Variants in PALM2AKAP2 observed in about 807,000 individuals in gnomAD.
PALM2AKAP2 encodes PALM2-AKAP2 fusion protein.
PALM2AKAP2 carries 37 observed loss-of-function variants against 71.5 expected under a neutral mutation model. That is an observed-to-expected ratio of 0.52 (90% CI 0.40 to 0.68). The LOEUF is 0.68. PALM2AKAP2 is among the 30% of genes least tolerant of loss of function. The pLI is 0.00. For synonymous variants in PALM2AKAP2, 468 were observed against 478.8 expected (o/e 0.98, Z 0.29); for missense variants, 1,224 against 1,191.8 (o/e 1.03, Z -0.40).
chr9:109,969,776 A>C (rs1832029833), intron 6 of PALM2AKAP2, among the ~76,000 whole-genome samples: 1 of 152,036 alleles, frequency 6.6e-6, no homozygotes, highest in African/African-American at 2.4e-5. Context: ...TAGCACTCCC[A>C]CATCCTCACC....
intron 1 of PALM2AKAP2, among the ~76,000 whole-genome samples, chr9:110,076,636 A>C (rs966008240): frequency 1.3e-5 from 2 of 151,746 alleles, no homozygotes; most frequent in Non-Finnish European, 2.9e-5. Flanking sequence ...CTTACAGAAT[A>C]TATCCTATGT....
chr9:109,801,923 T>A (rs1020297549), intron 1 of PALM2AKAP2, among the ~76,000 whole-genome samples: 4 of 152,136 alleles, frequency 2.6e-5, no homozygotes, highest in Non-Finnish European at 4.4e-5. Context: ...AGAGGGACCA[T>A]GGGGAGGGGT....
At chr9:109,741,867 T>C (rs751345311) in intron 1 of PALM2AKAP2, among the ~76,000 whole-genome samples, 1 of 152,228 alleles carries the variant, frequency 6.6e-6, no homozygotes, top group Non-Finnish European at 1.5e-5. Context: ...CCCATTGAAT[T>C]GTCTCAGCAG....
chr9:109,994,415 G>A (rs548183547), intron 6 of PALM2AKAP2, among the ~76,000 whole-genome samples: 54 of 152,314 alleles, frequency 3.5e-4, no homozygotes, highest in African/African-American at 1.2e-3. Flanking sequence ...AGAAACCTCA[G>A]GCTTTTTTGT....
chr9:110,063,757 C>T (rs1385130707), intron 1 of PALM2AKAP2, among the ~76,000 whole-genome samples: 1 of 152,148 alleles, frequency 6.6e-6, no homozygotes, highest in Non-Finnish European at 1.5e-5. Flanking sequence ...ATTTCCTCTT[C>T]TGTAAGAACA....
At chr9:109,843,867 T>A (rs1293071336) in intron 1 of PALM2AKAP2, among the ~76,000 whole-genome samples, 1 of 152,198 alleles carries the variant, frequency 6.6e-6, no homozygotes, top group Admixed American at 6.5e-5. Flanking sequence ...GTGGCCTTCT[T>A]CTGTCAGCAC....
At chr9:109,702,645 A>G (rs899114964) in intron 1 of PALM2AKAP2, among the ~76,000 whole-genome samples, 4 of 151,996 alleles carry the variant, frequency 2.6e-5, no homozygotes, top group African/African-American at 9.7e-5. Context: ...CTAATGTTAA[A>G]TGAGGAGTTA....
chr9:110,057,785 C>T (rs753584288), intron 1 of PALM2AKAP2, among the ~76,000 whole-genome samples: 27 of 152,186 alleles, frequency 1.8e-4, no homozygotes, highest in Non-Finnish European at 1.2e-4. Context: ...CTAGAGTATC[C>T]TGAGCCCCAT....
intron 3 of PALM2AKAP2, among the ~76,000 whole-genome samples, chr9:109,913,332 C>T (rs1251508688): frequency 2.0e-5 from 3 of 152,196 alleles, no homozygotes. Context: ...TGATATAATT[C>T]AGCTGGCAAA....
rs370918671 is a variant in PALM2AKAP2, at chr9:110,168,447, C to T, written c.2797C>T (p.Arg933Cys). ...TCGAAGAAAGAGCGCACTGGCTTTG[C>T]GCTGGGAAGCAGGGATCTATGCCAA... Residue 933 changes from arginine to cysteine, a missense_variant, in exon 4 of 4, where the codon CGC (arginine) becomes TGC (cysteine). Transcript: ENST00000374525. 7.8e-5 allele frequency: 126 copies of T among 1,614,118 alleles called. No homozygotes were observed. Among genetic ancestry groups the T allele is most frequent in the Admixed American group, 7.3e-4 (44 of 59,986 alleles).
intron 1 of PALM2AKAP2, among the ~76,000 whole-genome samples, chr9:110,104,099 TCA>T (rs1304880033): frequency 6.7e-6 from 1 of 148,902 alleles, no homozygotes; most frequent in Non-Finnish European, 1.5e-5. Context: ...GGTTTGTTTG[TCA>T]CTTGGCCACA....
chr9:109,942,507 T>C (rs868844888), intron 6 of PALM2AKAP2, among the ~76,000 whole-genome samples: 13 of 152,210 alleles, frequency 8.5e-5, no homozygotes, highest in Admixed American at 7.8e-4. Flanking sequence ...TAAACTGCTG[T>C]GTTACAATAC....
At chr9:109,760,092 G>A (rs1006440051) in intron 1 of PALM2AKAP2, among the ~76,000 whole-genome samples, 1 of 152,098 alleles carries the variant, frequency 6.6e-6, no homozygotes, top group Non-Finnish European at 1.5e-5. Context: ...TCACTGATTC[G>A]ATTTTTGCCC....
intron 7 of PALM2AKAP2, among the ~76,000 whole-genome samples, chr9:110,016,643 G>T (rs1362213527): frequency 6.6e-6 from 1 of 152,156 alleles, no homozygotes; most frequent in Non-Finnish European, 1.5e-5. Context: ...CCAGAATAAA[G>T]AATCTGTAGC....
At chr9:110,017,770 C>G (rs1177873865) in intron 7 of PALM2AKAP2, among the ~76,000 whole-genome samples, 1 of 150,894 alleles carries the variant, frequency 6.6e-6, no homozygotes, top group Non-Finnish European at 1.5e-5. Flanking sequence ...GCTGTGTCGC[C>G]AGGCTGGAGT....
chr9:110,074,498 C>A (rs779340013), intron 1 of PALM2AKAP2, among the ~76,000 whole-genome samples: 5 of 152,060 alleles, frequency 3.3e-5, no homozygotes, highest in Non-Finnish European at 7.4e-5. Context: ...TGTAGAATTC[C>A]ATCAATGTTA....
Position 109,829,228 on chromosome 9 carries a change from C to T in PALM2AKAP2, c.46-38263C>T, listed in dbSNP as rs116139276. On this transcript the variant is annotated intron_variant, in intron 1 of 9. Coordinates refer to the PALM2AKAP2 transcript ENST00000302798. ...CTCACCTCACTTCTCTATGGGTCAG[C>T]GAAACACATACCCTGTGTAATCACC... Among the ~76,000 whole-genome samples the T allele has an allele frequency of 1.9e-3, 291 of 152,310 alleles. 1 individual carries two copies. Among genetic ancestry groups the T allele is most frequent in the African/African-American group, 6.4e-3 (267 of 41,562 alleles).
upstream of PALM2AKAP2, among the ~76,000 whole-genome samples, chr9:109,777,251 C>T (rs1829361663): frequency 1.3e-5 from 2 of 152,280 alleles, no homozygotes; most frequent in African/African-American, 4.8e-5. Flanking sequence ...CCATTTCTTC[C>T]TCCTTCCCTA....
Position 110,134,765 on chromosome 9 carries a change from A to C in PALM2AKAP2, c.157-1362A>C, listed in dbSNP as rs555727468. On this transcript the variant is annotated intron_variant, in intron 1 of 3. Transcript: ENST00000374525. ...TTGTTGAAACCTTAGATAAATGAAA[A>C]TTACACTCTCTTGCAATTTTGCATT... is the stretch of plus-strand genomic sequence containing the variant. 4.6e-5 allele frequency among the ~76,000 whole-genome samples: 7 copies of C among 152,236 alleles called. No individual in the cohort carries two copies. The South Asian group carries it at 1.5e-3, about 32-fold the overall frequency.
Sources: allele counts gnomAD v4.1 joint callset (sites outside exome capture counted in the v4.1 genomes callset), GRCh38; gene constraint gnomAD v4.1.1; transcripts MANE v1.5; gene names NCBI Gene and HGNC (gene_info 2026-07-23, HGNC 2026-07-21).